CIBAR2: variants seen among roughly 807,000 people sequenced by gnomAD.
CIBAR2 encodes the protein CBY1-interacting BAR domain-containing protein 2.
Under a neutral mutation model 36.2 loss-of-function variants are expected in CIBAR2, and 38 were observed. The ratio of observed to expected loss-of-function variants is 1.05; its 90% CI spans 0.81 to 1.38. The LOEUF is 1.38. Among genes scored for constraint, CIBAR2 ranks in the 40% most tolerant of loss-of-function variants. The probability of loss-of-function intolerance (pLI) is 0.00; values close to 1 mark genes in which losing one functional copy is unlikely to be tolerated. For missense variants in CIBAR2, 481 were observed against 383.4 expected (o/e 1.25, Z -2.13); for synonymous variants, 182 against 149.5 (o/e 1.22, Z -1.58).
intron 6 of CIBAR2, among the ~76,000 whole-genome samples, chr16:85,102,830 T>C (rs528337722): frequency 6.6e-6 from 1 of 152,250 alleles, no homozygotes; most frequent in African/African-American, 2.4e-5. Flanking sequence ...TTCTCTTCTC[T>C]TCTCCCTTTT....
intron 7 of CIBAR2, 86 bp from the exon 8 acceptor site, chr16:85,100,326 G>A (rs964154309): frequency 1.9e-5 from 14 of 752,946 alleles, no homozygotes; most frequent in East Asian, 5.6e-5. Flanking sequence ...CGGTGGGGAC[G>A]AGAAGGCCCG....
chr16:85,110,303 C>T lies in CIBAR2; in HGVS notation c.178G>A (p.Glu60Lys), dbSNP rs182096113. The T allele has an allele frequency of 1.9e-5, 30 of 1,611,698 alleles. No individual in the cohort carries two copies. Among genetic ancestry groups the T allele is most frequent in the Admixed American group, 5.0e-5 (3 of 59,710 alleles). The change falls in exon 2 of 9, where the codon GAG (glutamate) becomes AAG (lysine). Residue 60 changes from glutamate to lysine, a missense_variant. Physicochemically the swap from Glu to Lys is moderately conservative, Grantham distance 56. Transcript: ENST00000539556. The part of the protein sequence containing the change: ...VKQLIDFANS[E>K]NPELRATMRG... ...ATGGTGGCCCGCAGCTCGGGGTTCTCGGAGTTGGCAAAGTCGATGAGCTGC... is the reference window on the plus strand; with the variant it reads ...ATGGTGGCCCGCAGCTCGGGGTTCTTGGAGTTGGCAAAGTCGATGAGCTGC...
intron 2 of CIBAR2, among the ~76,000 whole-genome samples, 192 bp downstream of exon 2, chr16:85,110,034 C>T (rs2074028072): frequency 6.6e-6 from 1 of 152,150 alleles, no homozygotes; most frequent in East Asian, 1.9e-4. Context: ...TCAGCAAAGC[C>T]TCCTAGGCTC....
rs1567562617 is a variant in CIBAR2 at position 85,110,285 on chromosome 16, CCCGCAG to C, written c.190_195del (p.Leu64_Arg65del). 12 of 1,609,090 alleles carry C rather than the reference CCCGCAG, an allele frequency of 7.5e-6. No individual in the cohort carries two copies. The highest frequency in any genetic ancestry group is 1.7e-5 in the Admixed American group (1 of 59,446). On this transcript the variant is annotated inframe_deletion, in exon 2 of 9. Transcript: ENST00000539556. ...TCCTCAGCGAAGCCCCTCATGGTGG[CCCGCAG>C]CTCGGGGTTCTCGGAGTTGGCAAAG... is the stretch of plus-strand genomic sequence containing the variant.
Position 85,100,273 on chromosome 16 carries a change from G to C in CIBAR2, c.652-33C>G, listed in dbSNP as rs192144400. The C allele has an allele frequency of 3.4e-6, 5 of 1,467,272 alleles. No individual in the cohort carries two copies. The Admixed American group carries it at 5.7e-5, about 17-fold the overall frequency. 90.9% of individuals were successfully genotyped at this position (1,467,272 alleles called of 1,614,324 possible). On this transcript the variant is annotated intron_variant, in intron 7 of 8. Transcript: ENST00000539556. Reference sequence around the variant, plus strand: ...GGAGAGACCAGGGTGGGTGGGATCCGATGGGAAAACACAGCGTGGGTTGGG... The same window carrying C: ...GGAGAGACCAGGGTGGGTGGGATCCCATGGGAAAACACAGCGTGGGTTGGG...
chr16:85,100,297 G>C (rs1026316867), intron 7 of CIBAR2, 57 bp from the exon 8 acceptor site: 10 of 1,180,098 alleles, frequency 8.5e-6, no homozygotes, highest in Admixed American at 8.3e-5. Context: ...GCGTGGGTTG[G>C]GGGAGTGGGA....
At position 85,105,333 on chromosome 16, in the gene CIBAR2, G is replaced by C. The variant is rs1251933627; in HGVS notation, c.531C>G (p.Asp177Glu). The C allele has an allele frequency of 5.0e-6, 8 of 1,610,576 alleles. No individual in the cohort carries two copies. Among genetic ancestry groups the C allele is most frequent in the Non-Finnish European group, 6.8e-6 (8 of 1,177,990 alleles). ...VDGFQRQKLK[D>E]LQKFFCDFVT... ...CCCGGCCAACCACCCTCACCTGCAG[G>C]TCCTTGAGCTTCTGCCTCTGGAAGC... Residue 177 changes from aspartate to glutamate, a missense_variant, in exon 6 of 9, where the codon GAC becomes GAG. By Grantham distance (45) the Asp-to-Glu change is conservative. Transcript: ENST00000539556.
chr16:85,107,857 G>C lies in CIBAR2; in HGVS notation c.415C>G (p.Gln139Glu), dbSNP rs776816624. The change falls in exon 4 of 9, where the codon CAG becomes GAG. Residue 139 changes from glutamine to glutamate, a missense_variant. By Grantham distance (29) the Gln-to-Glu change is conservative. Transcript: ENST00000539556. Reference protein sequence around the residue: ...EKLRQKSPSDQQMISQAETRV... With the variant: ...EKLRQKSPSDEQMISQAETRV... ...CCAGGGAAGGATACGATCATTTGCT[G>C]ATCCGAGGGTGACTTCTGCCTCAGT... 5 of 1,613,406 alleles carry C rather than the reference G, an allele frequency of 3.1e-6. No individual in the cohort carries two copies. The African/African-American group carries it at 5.3e-5, about 17-fold the overall frequency.
chr16:85,107,723 G>A lies in CIBAR2; in HGVS notation c.427-51C>T, dbSNP rs1405497961. 9 of 1,612,064 alleles carry A rather than the reference G, an allele frequency of 5.6e-6. No homozygotes were observed. The East Asian group carries it at 2.0e-4, about 36-fold the overall frequency. ...AAGTTAAGCCCAGGCAGCCCCGTTG[G>A]GGTGGTCCGCCCCCTTCACAGCCCC... On this transcript the variant is annotated intron_variant, in intron 4 of 8. Transcript: ENST00000539556.
chr16:85,109,053 G>A (rs1287293851), intron 2 of CIBAR2, among the ~76,000 whole-genome samples: 1 of 152,054 alleles, frequency 6.6e-6, no homozygotes, highest in Non-Finnish European at 1.5e-5. Flanking sequence ...TAGGCTCCTG[G>A]CTCCAAGTTC....
rs372890171 is a variant in CIBAR2, at chr16:85,110,470, C to G, written c.21-10G>C. The stretch of plus-strand genomic sequence containing the variant: ...CCTCACCTGGCTGTCCCTGTGGAGG[C>G]GGGGACCTGAGCAGCCATTCTGGGC... On this transcript the variant is annotated splice_polypyrimidine_tract_variant and intron_variant, in intron 1 of 8. Transcript: ENST00000539556. The G allele has an allele frequency of 3.2e-6, 5 of 1,573,202 alleles. 1 individual carries two copies. In the South Asian group the frequency reaches 5.7e-5, roughly 18 times the overall value.
chr16:85,098,893 A>T lies in CIBAR2; in HGVS notation c.*292T>A. 1 of 268,872 alleles carries T rather than the reference A, an allele frequency of 3.7e-6. No individual in the cohort carries two copies. The highest frequency in any genetic ancestry group is 6.6e-6 in the Non-Finnish European group (1 of 150,538). 16.7% of individuals were successfully genotyped at this position (268,872 alleles called of 1,614,324 possible). ...CACAGAGAGGCTAGGAGACTTTCCC[A>T]AGGTCACACCGCCGGGAGCAGTGGG... On this transcript the variant is annotated 3_prime_UTR_variant, in exon 9 of 9. Transcript: ENST00000539556.
intron 1 of CIBAR2, 138 bp downstream of exon 1, chr16:85,112,195 C>A (rs924329916): frequency 1.5e-5 from 11 of 725,384 alleles, no homozygotes; most frequent in Non-Finnish European, 2.4e-5. Context: ...GTGGAGGCAC[C>A]GTGGGAGGGA....
At position 85,100,208 on chromosome 16, in the gene CIBAR2, C is replaced by A. The variant is rs142788358; in HGVS notation, c.684G>T (p.Gly228=). The change falls in exon 8 of 9, where the codon GGG becomes GGT. Residue 228 remains glycine (G), a synonymous_variant. Transcript: ENST00000539556. ...DFRAKMQGVY[G]HYDTRLLANT... Reference sequence around the variant, plus strand: ...TGGCAAGCAGCCGAGTGTCATAATGCCCATAAACTCCTTGCATCTTGGCTC... The same window carrying A: ...TGGCAAGCAGCCGAGTGTCATAATGACCATAAACTCCTTGCATCTTGGCTC... 59 of 1,610,894 alleles carry A rather than the reference C, an allele frequency of 3.7e-5. No individual in the cohort carries two copies. Among genetic ancestry groups the A allele is most frequent in the South Asian group, 8.9e-5 (8 of 89,942 alleles).
chr16:85,098,922 G>A lies in CIBAR2; in HGVS notation c.*263C>T, dbSNP rs954395362. ...TCACACCGCCGGGAGCAGTGGGCTCGGACCAAGAAATAGATAGCATAAAGA... is the reference window on the plus strand; with the variant it reads ...TCACACCGCCGGGAGCAGTGGGCTCAGACCAAGAAATAGATAGCATAAAGA... On this transcript the variant is annotated 3_prime_UTR_variant, in exon 9 of 9. Transcript: ENST00000539556. 3.3e-5 allele frequency: 11 copies of A among 331,224 alleles called. No individual in the cohort carries two copies. The highest frequency in any genetic ancestry group is 9.7e-5 in the Admixed American group (2 of 20,656). The allele number at this position is 331,224 out of a possible 1,614,324, so 20.5% of individuals were successfully genotyped here. A position where few individuals can be genotyped will look rare whatever the true frequency, so the allele number is the denominator to read the frequency against.
rs201885091 is a variant in CIBAR2 at position 85,108,076 on chromosome 16, C to T, written c.279G>A (p.Val93=). 3 of 1,612,756 alleles carry T rather than the reference C, an allele frequency of 1.9e-6. No homozygotes were observed. The highest frequency in any genetic ancestry group is 2.5e-6 in the Non-Finnish European group (3 of 1,179,162). ...CCCCGTAGAGCTTCAGGGGGTTGAC[C>T]ACCTTGGTCTCCAGCCTCTCGACCT... ...QAQVERLETK[V]VNPLKLYGAQ... The change falls in exon 3 of 9, where the codon GTG becomes GTA. Residue 93 remains valine (V), a synonymous_variant. Coordinates refer to ENST00000539556, the MANE Select transcript of CIBAR2 (RefSeq NM_198491.3).
At chr16:85,103,645 T>C (rs6564101) in intron 6 of CIBAR2, among the ~76,000 whole-genome samples, 81,544 of 152,154 alleles carry the variant, frequency 0.54, 24,263 homozygotes, top group African/African-American at 0.82. Flanking sequence ...TGTTTCAGTT[T>C]CTCCTTGCCA....
intron 5 of CIBAR2, among the ~76,000 whole-genome samples, chr16:85,107,394 G>A (rs1005977399): frequency 6.6e-6 from 1 of 152,166 alleles, no homozygotes; most frequent in Non-Finnish European, 1.5e-5. Flanking sequence ...ATGGGGATGA[G>A]GCTAGCAGTG....
At chr16:85,099,433 C>T (rs1567556456) in intron 8 of CIBAR2, 87 bp from the exon 9 acceptor site, 4 of 789,540 alleles carry the variant, frequency 5.1e-6, no homozygotes, top group Admixed American at 2.1e-5. Context: ...CCTCCCTAAC[C>T]TCTGAGGAAC....
Sources: allele counts gnomAD v4.1 joint callset (sites outside exome capture counted in the v4.1 genomes callset), GRCh38; gene constraint gnomAD v4.1.1; transcripts MANE v1.5; gene names NCBI Gene and HGNC (gene_info 2026-07-23, HGNC 2026-07-21).